Variants in KRTAP9-3 observed in about 807,000 individuals in gnomAD.
The protein encoded by KRTAP9-3 is keratin associated protein 9-3, also known as keratin-associated protein 9-3.
KRTAP9-3 carries 12 observed loss-of-function variants against 13.0 expected under a neutral mutation model. The observed-to-expected ratio is 0.93, with a 90% CI of 0.59 to 1.50. The LOEUF (loss-of-function observed/expected upper bound fraction) is 1.50. KRTAP9-3 is among the 40% of genes most tolerant of loss of function. The pLI is 0.00. For synonymous variants in KRTAP9-3, 89 were observed against 68.7 expected (o/e 1.29, Z -1.46); for missense variants, 232 against 195.2 (o/e 1.19, Z -1.12).
At position 41,233,317 on chromosome 17, in the gene KRTAP9-3, A is replaced by G. The variant is rs1427872855; in HGVS notation, c.*336A>G. The G allele has an allele frequency of 4.8e-6, 2 of 415,332 alleles. No homozygotes were observed. The highest frequency in any genetic ancestry group is 8.7e-6 in the Non-Finnish European group (2 of 229,242). The allele number at this position is 415,332 out of a possible 1,614,324, so 25.7% of individuals were successfully genotyped here. ...CAACTGATCAATCATCTTTGCAATT[A>G]TATTTTCATTTTAAATATCCTTCTC... On this transcript the variant is annotated 3_prime_UTR_variant, in exon 1 of 1. Transcript: ENST00000411528.
rs747764013 is a variant in KRTAP9-3, at chr17:41,232,665, C to A, written c.164C>A (p.Thr55Asn). 2.7e-5 allele frequency: 44 copies of A among 1,608,342 alleles called. No individual in the cohort carries two copies. The highest frequency in any genetic ancestry group is 3.6e-5 in the Non-Finnish European group (42 of 1,179,952). The change falls in exon 1 of 1, where the codon ACC (threonine) becomes AAC (asparagine). Residue 55 changes from threonine to asparagine, a missense_variant. Coordinates refer to ENST00000411528, the MANE Select transcript of KRTAP9-3 (RefSeq NM_031962.3). ...PCCHPTCCQN[T>N]CCRTTCCQPI... is the part of the protein sequence containing the mutation. ...TGCCACCCAACTTGCTGTCAAAACA[C>A]CTGCTGTAGGACCACCTGCTGCCAG... is the stretch of plus-strand genomic sequence containing the variant.
Position 41,232,643 on chromosome 17 carries a change from C to A in KRTAP9-3, c.142C>A (p.His48Asn). The change falls in exon 1 of 1, where the codon CAC becomes AAC. Residue 48 changes from histidine to asparagine, a missense_variant. Transcript: ENST00000411528. Reference protein sequence around the residue: ...CVSSCCQPCCHPTCCQNTCCR... With the variant: ...CVSSCCQPCCNPTCCQNTCCR... ...TTCCAGCTGCTGCCAGCCTTGCTGC[C>A]ACCCAACTTGCTGTCAAAACACCTG... 1 of 1,607,530 alleles carries A rather than the reference C, an allele frequency of 6.2e-7. No homozygotes were observed. The highest frequency in any genetic ancestry group is 2.2e-5 in the East Asian group (1 of 44,850).
chr17:41,232,776 A>G lies in KRTAP9-3; in HGVS notation c.275A>G (p.Gln92Arg). The G allele has an allele frequency of 2.5e-6, 4 of 1,607,566 alleles. No homozygotes were observed. Among genetic ancestry groups the G allele is most frequent in the Non-Finnish European group, 3.4e-6 (4 of 1,179,908 alleles). ...ACATGCTGTGGGTCCAGCTGTGGTC[A>G]GAGCAGCTCCTGTGCACCTGTGTAC... Reference protein sequence around the residue: ...QPTCCGSSCGQSSSCAPVYCR... With the variant: ...QPTCCGSSCGRSSSCAPVYCR... The change falls in exon 1 of 1, where the codon CAG becomes CGG. Residue 92 changes from glutamine (Q) to arginine (R), a missense_variant. Physicochemically the swap from Gln to Arg is conservative, Grantham distance 43. Coordinates refer to ENST00000411528, the MANE Select transcript of KRTAP9-3 (RefSeq NM_031962.3).
Position 41,233,112 on chromosome 17 carries a change from T to C in KRTAP9-3, c.*131T>C. 6.9e-7 allele frequency: 1 copy of C among 1,449,702 alleles called. No homozygotes were observed. The allele number at this position is 1,449,702 out of a possible 1,614,324, so 89.8% of individuals were successfully genotyped here. A position where few individuals can be genotyped will look rare whatever the true frequency, so the allele number is the denominator to read the frequency against. On this transcript the variant is annotated 3_prime_UTR_variant, in exon 1 of 1. Transcript: ENST00000411528. The stretch of plus-strand genomic sequence containing the variant: ...CCCAAATTTTTATGAATTCTCTACA[T>C]GTTTAAAATCTTGGGAATCTGCTTG...
Position 41,232,622 on chromosome 17 carries a change from A to C in KRTAP9-3, c.121A>C (p.Ser41Arg). Residue 41 changes from serine to arginine, a missense_variant, in exon 1 of 1, where the codon AGC becomes CGC. Coordinates refer to ENST00000411528, the MANE Select transcript of KRTAP9-3 (RefSeq NM_031962.3). ...PCCQPSCCVS[S>R]CCQPCCHPTC... is the part of the protein sequence containing the mutation. ...CTGTCAGCCCTCCTGCTGTGTTTCC[A>C]GCTGCTGCCAGCCTTGCTGCCACCC... 1 of 1,603,414 alleles carries C rather than the reference A, an allele frequency of 6.2e-7. No individual in the cohort carries two copies. Among genetic ancestry groups the C allele is most frequent in the Non-Finnish European group, 8.5e-7 (1 of 1,176,422 alleles).
At position 41,232,529 on chromosome 17, in the gene KRTAP9-3, C is replaced by G; in HGVS notation, c.28C>G (p.Gln10Glu). The change falls in exon 1 of 1, where the codon CAG (glutamine) becomes GAG (glutamate). Residue 10 changes from glutamine (Q) to glutamate (E), a missense_variant. Physicochemically the swap from Gln to Glu is conservative, Grantham distance 29. Coordinates refer to ENST00000411528, the MANE Select transcript of KRTAP9-3 (RefSeq NM_031962.3). Reference sequence around the variant, plus strand: ...GACCCACTGTTGCTCCCCTTGCTGTCAGCCTACCTGCTGCAGGACCACCTG... The same window carrying G: ...GACCCACTGTTGCTCCCCTTGCTGTGAGCCTACCTGCTGCAGGACCACCTG... MTHCCSPCC[Q>E]PTCCRTTCWQ... 1 of 1,606,192 alleles carries G rather than the reference C, an allele frequency of 6.2e-7. No homozygotes were observed. The highest frequency in any genetic ancestry group is 8.5e-7 in the Non-Finnish European group (1 of 1,179,584).
At position 41,232,928 on chromosome 17, in the gene KRTAP9-3, A is replaced by G. The variant is rs769184131; in HGVS notation, c.427A>G (p.Thr143Ala). 18 of 1,608,088 alleles carry G rather than the reference A, an allele frequency of 1.1e-5. No homozygotes were observed. The highest frequency in any genetic ancestry group is 1.4e-5 in the African/African-American group (1 of 69,416). Residue 143 changes from threonine to alanine, a missense_variant, in exon 1 of 1, where the codon ACT (threonine) becomes GCT (alanine). Transcript: ENST00000411528. ...ACCETTCCRT[T>A]CFQPTCVYSC... ...CTGTGAGACCACCTGCTGCAGGACC[A>G]CTTGTTTCCAGCCCACCTGTGTGTA...
At position 41,232,690 on chromosome 17, in the gene KRTAP9-3, G is replaced by A. The variant is rs2015875615; in HGVS notation, c.189G>A (p.Gln63=). Reference sequence around the variant, plus strand: ...CCTGCTGTAGGACCACCTGCTGCCAGCCCATCTGTGTGACCAGCTGCTGCC... The same window carrying A: ...CCTGCTGTAGGACCACCTGCTGCCAACCCATCTGTGTGACCAGCTGCTGCC... ...QNTCCRTTCC[Q]PICVTSCCQP... Residue 63 remains glutamine (Q), a synonymous_variant, in exon 1 of 1, where the codon CAG becomes CAA. Transcript: ENST00000411528. 1 of 1,608,308 alleles carries A rather than the reference G, an allele frequency of 6.2e-7. No individual in the cohort carries two copies. Among genetic ancestry groups the A allele is most frequent in the Non-Finnish European group, 8.5e-7 (1 of 1,179,926 alleles).
rs753735404 is a variant in KRTAP9-3 at position 41,232,890 on chromosome 17, G to A, written c.389G>A (p.Cys130Tyr). Residue 130 changes from cysteine to tyrosine, a missense_variant, in exon 1 of 1, where the codon TGC (cysteine) becomes TAC (tyrosine). Cys to Tyr is a radical substitution (Grantham distance 194). Coordinates refer to ENST00000411528, the MANE Select transcript of KRTAP9-3 (RefSeq NM_031962.3). ...SCGSNCCQPCCRPACCETTCC... is the reference protein window; with the variant it reads ...SCGSNCCQPCYRPACCETTCC... ...GGCTCCAACTGCTGCCAGCCCTGCT[G>A]CCGCCCAGCCTGCTGTGAGACCACC... is the stretch of plus-strand genomic sequence containing the variant. The A allele has an allele frequency of 5.6e-6, 9 of 1,608,636 alleles. No individual in the cohort carries two copies. Among genetic ancestry groups the A allele is most frequent in the Non-Finnish European group, 3.4e-6 (4 of 1,180,030 alleles).
In KRTAP9-3 at chr17:41,233,083, C is replaced by G. The variant is rs538009108; in HGVS notation, c.*102C>G. The stretch of plus-strand genomic sequence containing the variant: ...CTTTGCTGCTGACAGCCACCATGCT[C>G]TCACCCAAATTTTTATGAATTCTCT... On this transcript the variant is annotated 3_prime_UTR_variant, in exon 1 of 1. Transcript: ENST00000411528. 18 of 1,500,830 alleles carry G rather than the reference C, an allele frequency of 1.2e-5. No homozygotes were observed. Among genetic ancestry groups the G allele is most frequent in the East Asian group, 9.1e-5 (4 of 44,028 alleles). The allele number at this position is 1,500,830 out of a possible 1,614,324, so 93.0% of individuals were successfully genotyped here. A position where few individuals can be genotyped will look rare whatever the true frequency, so the allele number is the denominator to read the frequency against.
At position 41,232,580 on chromosome 17, in the gene KRTAP9-3, TGCA is replaced by T; in HGVS notation, c.86_88del (p.Ser29del). 1 of 1,603,858 alleles carries T rather than the reference TGCA, an allele frequency of 6.2e-7. No homozygotes were observed. Among genetic ancestry groups the T allele is most frequent in the Non-Finnish European group, 8.5e-7 (1 of 1,176,976 alleles). On this transcript the variant is annotated inframe_deletion, in exon 1 of 1. Transcript: ENST00000411528. ...CTGGCAGCCCACCACTGTGACCACC[TGCA>T]GCAGCACACCCTGCTGTCAGCCCTC...
chr17:41,232,637 T>C lies in KRTAP9-3; in HGVS notation c.136T>C (p.Cys46Arg), dbSNP rs1186602467. The change falls in exon 1 of 1, where the codon TGC (cysteine) becomes CGC (arginine). Residue 46 changes from cysteine to arginine, a missense_variant. Coordinates refer to ENST00000411528, the MANE Select transcript of KRTAP9-3 (RefSeq NM_031962.3). ...CTGTGTTTCCAGCTGCTGCCAGCCT[T>C]GCTGCCACCCAACTTGCTGTCAAAA... ...SCCVSSCCQPCCHPTCCQNTC... is the reference protein window; with the variant it reads ...SCCVSSCCQPRCHPTCCQNTC... 8 of 1,603,734 alleles carry C rather than the reference T, an allele frequency of 5.0e-6. 1 individual carries two copies. The highest frequency in any genetic ancestry group is 2.9e-5 in the African/African-American group (2 of 69,114).
In KRTAP9-3 at chr17:41,233,089, C is replaced by G. The variant is rs1314889469; in HGVS notation, c.*108C>G. 7.9e-6 allele frequency: 12 copies of G among 1,519,170 alleles called. No homozygotes were observed. The highest frequency in any genetic ancestry group is 9.7e-6 in the Non-Finnish European group (11 of 1,128,716). The allele number at this position is 1,519,170 out of a possible 1,614,324, so 94.1% of individuals were successfully genotyped here. On this transcript the variant is annotated 3_prime_UTR_variant, in exon 1 of 1. Transcript: ENST00000411528. ...TGCTGACAGCCACCATGCTCTCACC[C>G]AAATTTTTATGAATTCTCTACATGT...
Position 41,232,676 on chromosome 17 carries a change from A to G in KRTAP9-3, c.175A>G (p.Thr59Ala). The G allele has an allele frequency of 6.2e-7, 1 of 1,607,846 alleles. No homozygotes were observed. The highest frequency in any genetic ancestry group is 8.5e-7 in the Non-Finnish European group (1 of 1,179,878). The change falls in exon 1 of 1, where the codon ACC becomes GCC. Residue 59 changes from threonine (T) to alanine (A), a missense_variant. Coordinates refer to ENST00000411528, the MANE Select transcript of KRTAP9-3 (RefSeq NM_031962.3). ...PTCCQNTCCRTTCCQPICVTS... is the reference protein window; with the variant it reads ...PTCCQNTCCRATCCQPICVTS... ...TTGCTGTCAAAACACCTGCTGTAGG[A>G]CCACCTGCTGCCAGCCCATCTGTGT...
In KRTAP9-3 at chr17:41,232,994, A is replaced by G. The variant is rs2144087781; in HGVS notation, c.*13A>G. The G allele has an allele frequency of 2.5e-6, 4 of 1,608,168 alleles. 1 individual carries two copies. The highest frequency in any genetic ancestry group is 1.7e-4 in the Middle Eastern group (1 of 6,060). On this transcript the variant is annotated 3_prime_UTR_variant, in exon 1 of 1. Transcript: ENST00000411528. ...TTCTTGCTGCTAATCAACTCCCAAGAGAACTACCATCCTCACACAACAACC... is the reference window on the plus strand; with the variant it reads ...TTCTTGCTGCTAATCAACTCCCAAGGGAACTACCATCCTCACACAACAACC...
Position 41,232,449 on chromosome 17 carries a change from A to G in KRTAP9-3, c.-53A>G. The G allele has an allele frequency of 6.3e-7, 1 of 1,585,504 alleles. No individual in the cohort carries two copies. Among genetic ancestry groups the G allele is most frequent in the Non-Finnish European group, 8.6e-7 (1 of 1,167,944 alleles). On this transcript the variant is annotated 5_prime_UTR_variant, in exon 1 of 1. Transcript: ENST00000411528. ...AAGGTCCAGATTGCAAGGGGTCATC[A>G]GATTTTGGGAAACTCACCTCTTAAC...
In KRTAP9-3 at chr17:41,232,886, T is replaced by G. The variant is rs554750877; in HGVS notation, c.385T>G (p.Cys129Gly). The change falls in exon 1 of 1, where the codon TGC (cysteine) becomes GGC (glycine). Residue 129 changes from cysteine (C) to glycine (G), a missense_variant. By Grantham distance (159) the Cys-to-Gly change is radical (BLOSUM62 -3). Coordinates refer to ENST00000411528, the MANE Select transcript of KRTAP9-3 (RefSeq NM_031962.3). ...CTGTGGCTCCAACTGCTGCCAGCCCTGCTGCCGCCCAGCCTGCTGTGAGAC... is the reference window on the plus strand; with the variant it reads ...CTGTGGCTCCAACTGCTGCCAGCCCGGCTGCCGCCCAGCCTGCTGTGAGAC... Reference protein sequence around the residue: ...QSCGSNCCQPCCRPACCETTC... With the variant: ...QSCGSNCCQPGCRPACCETTC... The G allele has an allele frequency of 1.6e-5, 25 of 1,608,436 alleles. No homozygotes were observed. The Admixed American group carries it at 4.2e-4, about 27-fold the overall frequency.
In KRTAP9-3 at chr17:41,232,645, C is replaced by T. The variant is rs762183306; in HGVS notation, c.144C>T (p.His48=). The change falls in exon 1 of 1, where the codon CAC becomes CAT. Residue 48 remains histidine (H), a synonymous_variant. Coordinates refer to ENST00000411528, the MANE Select transcript of KRTAP9-3 (RefSeq NM_031962.3). The part of the protein sequence containing the change: ...CVSSCCQPCC[H]PTCCQNTCCR... ...CCAGCTGCTGCCAGCCTTGCTGCCACCCAACTTGCTGTCAAAACACCTGCT... is the reference window on the plus strand; with the variant it reads ...CCAGCTGCTGCCAGCCTTGCTGCCATCCAACTTGCTGTCAAAACACCTGCT... 3.7e-6 allele frequency: 6 copies of T among 1,608,080 alleles called. No individual in the cohort carries two copies. The South Asian group carries it at 4.4e-5, about 12-fold the overall frequency.
In KRTAP9-3 at chr17:41,232,903, C is replaced by T. The variant is rs1326186938; in HGVS notation, c.402C>T (p.Cys134=). ...NCCQPCCRPA[C]CETTCCRTTC... is the part of the protein sequence containing the mutation. ...GCCAGCCCTGCTGCCGCCCAGCCTG[C>T]TGTGAGACCACCTGCTGCAGGACCA... Residue 134 remains cysteine (C), a synonymous_variant, in exon 1 of 1, where the codon TGC becomes TGT. Coordinates refer to ENST00000411528, the MANE Select transcript of KRTAP9-3 (RefSeq NM_031962.3). The T allele has an allele frequency of 9.9e-6, 16 of 1,608,632 alleles. No homozygotes were observed. The highest frequency in any genetic ancestry group is 3.3e-5 in the South Asian group (3 of 91,080).
Sources: allele counts gnomAD v4.1 joint callset, GRCh38; gene constraint gnomAD v4.1.1; transcripts MANE v1.5; gene names NCBI Gene and HGNC (gene_info 2026-07-23, HGNC 2026-07-21).